Variants in ZNF592 observed in about 807,000 individuals in gnomAD.
ZNF592 encodes the protein spinocerebellar ataxia, autosomal recessive 5.
In ZNF592, 11 loss-of-function variants were observed where a neutral mutation model predicts 80.3. The observed-to-expected ratio is 0.14, with a 90% CI of 0.09 to 0.23. The LOEUF is 0.23. Among genes scored for constraint, ZNF592 ranks in the 10% least tolerant of loss-of-function variants. The pLI, the probability that ZNF592 is intolerant of heterozygous loss-of-function variation, is 1.00. For synonymous variants in ZNF592, 646 were observed against 640.3 expected, an observed-to-expected ratio of 1.01 and a Z score of -0.13; for missense variants, 1,420 against 1,633.9, an observed-to-expected ratio of 0.87 and a Z score of 2.26.
intron 5 of ZNF592, among the ~76,000 whole-genome samples, chr15:84,792,331 C>T (rs1962772886): frequency 6.6e-6 from 1 of 152,046 alleles, no homozygotes; most frequent in Non-Finnish European, 1.5e-5. Context: ...TGAGGAGCTA[C>T]AGAAGGATTT....
chr15:84,788,704 C>A (rs935878556), intron 4 of ZNF592, among the ~76,000 whole-genome samples: 4 of 152,190 alleles, frequency 2.6e-5, no homozygotes, highest in Non-Finnish European at 4.4e-5. Context: ...AAACCCTGTA[C>A]TCGTTTTAAA....
At chr15:84,800,416 C>T (rs1474025008) in intron 10 of ZNF592, among the ~76,000 whole-genome samples, 3 of 152,174 alleles carry the variant, frequency 2.0e-5, no homozygotes, top group Non-Finnish European at 4.4e-5. Flanking sequence ...TCTATCCTGG[C>T]CCCTTGCCCT....
rs59057001 is a variant in ZNF592, at chr15:84,756,148, G to A, written c.-259+7484G>A. On this transcript the variant is annotated intron_variant, in intron 1 of 10. Transcript: ENST00000560079. ...CTGTTAAGAGAGAGAGTTCCCATTT[G>A]TAACCCTCACATGCATTCCTGGGAT... Among the ~76,000 whole-genome samples the A allele has an allele frequency of 4.1e-3, 618 of 152,276 alleles. 6 individuals are homozygous for A. Among genetic ancestry groups the A allele is most frequent in the African/African-American group, 0.014 (597 of 41,544 alleles).
At chr15:84,790,641 C>A in intron 4 of ZNF592, 64 bp from the exon 5 acceptor site, 1 of 1,565,280 alleles carries the variant, frequency 6.4e-7, no homozygotes, top group Non-Finnish European at 8.8e-7. Context: ...ACCAGACAGC[C>A]CTGATTGGAG....
At chr15:84,779,704 T>C (rs770281291) in intron 3 of ZNF592, among the ~76,000 whole-genome samples, 1 of 152,084 alleles carries the variant, frequency 6.6e-6, no homozygotes, top group African/African-American at 2.4e-5. Context: ...GCTCTCACAC[T>C]ATTTACTAGC....
At chr15:84,797,410 A>G (rs1193750305) in intron 5 of ZNF592, among the ~76,000 whole-genome samples, 2 of 152,140 alleles carry the variant, frequency 1.3e-5, no homozygotes, top group Non-Finnish European at 2.9e-5. Context: ...TTAAGTGGTC[A>G]TCCCTACTTA....
intron 5 of ZNF592, among the ~76,000 whole-genome samples, chr15:84,791,884 T>G (rs1596129788): frequency 6.6e-6 from 1 of 152,120 alleles, no homozygotes; most frequent in Non-Finnish European, 1.5e-5. Context: ...CAGGATGAAT[T>G]GTGGGAGTGG....
At chr15:84,769,003 C>T (rs145859942) in intron 2 of ZNF592, among the ~76,000 whole-genome samples, 5 of 152,210 alleles carry the variant, frequency 3.3e-5, no homozygotes, top group African/African-American at 7.2e-5. Flanking sequence ...TGCAATAGCA[C>T]GATCGTGGCT....
rs1187569780 is a variant in ZNF592, at chr15:84,759,027, C to G, written c.-258-5680C>G. Among the ~76,000 whole-genome samples the G allele has an allele frequency of 2.0e-5, 3 of 152,142 alleles. No homozygotes were observed. In the East Asian group the frequency reaches 5.8e-4, roughly 29 times the overall value. ...GTAGATACCTACCTTAAAGCCTCTT[C>G]TTATGGTCTCCCTATGCCCTTTGCC... On this transcript the variant is annotated intron_variant, in intron 1 of 10. Transcript: ENST00000560079.
At chr15:84,780,767 G>T (rs1447546195) in intron 3 of ZNF592, among the ~76,000 whole-genome samples, 2 of 82,514 alleles carry the variant, frequency 2.4e-5, no homozygotes, top group Non-Finnish European at 4.7e-5. Context: ...GTTCTGAGTG[G>T]GTTTTGTTGT....
intron 2 of ZNF592, among the ~76,000 whole-genome samples, chr15:84,777,406 G>A (rs1962286041): frequency 6.6e-6 from 1 of 150,898 alleles, no homozygotes; most frequent in South Asian, 2.1e-4. Flanking sequence ...AACCCGGGAA[G>A]TGGAGGTTGC....
chr15:84,774,226 A>G (rs1398103338), intron 2 of ZNF592, among the ~76,000 whole-genome samples: 1 of 152,222 alleles, frequency 6.6e-6, no homozygotes, highest in Non-Finnish European at 1.5e-5. Context: ...GCCATTTGCA[A>G]ATGAAGGTTT....
chr15:84,796,243 T>A (rs868399873), intron 5 of ZNF592, among the ~76,000 whole-genome samples: 15,503 of 34,268 alleles, frequency 0.45, 3,310 homozygotes, highest in Non-Finnish European at 0.5. Flanking sequence ...AAAAAAAATA[T>A]ATATATATAT....
intron 4 of ZNF592, among the ~76,000 whole-genome samples, chr15:84,790,475 G>A (rs925480746): frequency 6.6e-6 from 1 of 152,228 alleles, no homozygotes; most frequent in African/African-American, 2.4e-5. Flanking sequence ...AGAGAATAGG[G>A]TCAGGTCTGT....
At position 84,778,332 on chromosome 15, in the gene ZNF592, A is replaced by T. The variant is rs1268069938; in HGVS notation, c.-20+20A>T. On this transcript the variant is annotated intron_variant, in intron 3 of 10. Coordinates refer to ENST00000560079, the MANE Select transcript of ZNF592 (RefSeq NM_014630.3). ...AGTCAGGTACACATGCAGAGGCTGG[A>T]GGAGGCGGTGTTTGATTTGCATAGG... 2 of 225,230 alleles carry T rather than the reference A, an allele frequency of 8.9e-6. No homozygotes were observed. The highest frequency in any genetic ancestry group is 5.8e-5 in the Admixed American group (1 of 17,266). 14.0% of individuals were successfully genotyped at this position (225,230 alleles called of 1,614,324 possible).
intron 1 of ZNF592, among the ~76,000 whole-genome samples, chr15:84,750,166 G>A (rs1478512073): frequency 6.6e-6 from 1 of 152,234 alleles, no homozygotes; most frequent in Non-Finnish European, 1.5e-5. Flanking sequence ...AGCCGGGTGT[G>A]GTGGTGCATG....
At chr15:84,797,011 T>C (rs1302753220) in intron 5 of ZNF592, among the ~76,000 whole-genome samples, 1 of 152,192 alleles carries the variant, frequency 6.6e-6, no homozygotes, top group East Asian at 1.9e-4. Context: ...TCACCCAGGC[T>C]GGAATGCGGT....
intron 1 of ZNF592, among the ~76,000 whole-genome samples, chr15:84,762,955 A>C (rs1407501744): frequency 6.6e-6 from 1 of 152,210 alleles, no homozygotes; most frequent in East Asian, 1.9e-4. Flanking sequence ...ATGTTGTCTA[A>C]TCTTGGTCTT....
At position 84,784,793 on chromosome 15, in the gene ZNF592, C is replaced by T. The variant is rs1369703286; in HGVS notation, c.2118C>T (p.Leu706=). The T allele has an allele frequency of 1.2e-6, 2 of 1,614,046 alleles. No homozygotes were observed. Among genetic ancestry groups the T allele is most frequent in the Non-Finnish European group, 1.7e-6 (2 of 1,180,050 alleles). Residue 706 remains leucine, a synonymous_variant, in exon 4 of 11, where the codon CTC becomes CTT. Transcript: ENST00000560079. This position sits in a 1 kb window ranked among gnomAD's most constrained non-coding sequence, Gnocchi z 5.8. ...CACTCTACCCAGACCCTGTGAGGCT[C>T]ATCCGGTACTCAATCAAGTGTCTTG... ...ALPLYPDPVR[L]IRYSIKCLEC... is the part of the protein sequence containing the mutation.
Sources: allele counts gnomAD v4.1 joint callset (sites outside exome capture counted in the v4.1 genomes callset), GRCh38; gene constraint gnomAD v4.1.1; non-coding constraint Gnocchi (gnomAD v3.1); transcripts MANE v1.5; gene names NCBI Gene and HGNC (gene_info 2026-07-23, HGNC 2026-07-21).